ME3: variants seen among roughly 807,000 people sequenced by gnomAD.
ME3 encodes the protein NADP-dependent malic enzyme, mitochondrial.
In ME3, 48 loss-of-function variants were observed where a neutral mutation model predicts 68.9. The observed-to-expected ratio is 0.70, with a 90% CI of 0.55 to 0.89. The LOEUF (loss-of-function observed/expected upper bound fraction) is 0.89. ME3 is among the 40% of genes least tolerant of loss of function. The pLI, the probability that ME3 is intolerant of heterozygous loss-of-function variation, is 0.00. For missense variants in ME3, 675 were observed against 797.4 expected, an observed-to-expected ratio of 0.85 and a Z score of 1.85; for synonymous variants, 320 against 318.8, an observed-to-expected ratio of 1.00 and a Z score of -0.04.
At chr11:86,568,196 C>T (rs568415814) in intron 2 of ME3, among the ~76,000 whole-genome samples, 1 of 152,310 alleles carries the variant, frequency 6.6e-6, no homozygotes, top group South Asian at 2.1e-4. Context: ...CGAGGACATG[C>T]TGGTAGGGAC....
At chr11:86,576,897 C>A (rs1958147842) in intron 2 of ME3, among the ~76,000 whole-genome samples, 1 of 152,174 alleles carries the variant, frequency 6.6e-6, no homozygotes, top group Admixed American at 6.5e-5. Flanking sequence ...TTAGCTGGCT[C>A]TGATTCTATT....
At chr11:86,453,888 C>A (rs958920097) in intron 8 of ME3, among the ~76,000 whole-genome samples, 1 of 152,204 alleles carries the variant, frequency 6.6e-6, no homozygotes, top group East Asian at 1.9e-4. Flanking sequence ...CCTCCTCTTT[C>A]CTTTGTTCCC....
At chr11:86,553,409 G>C in intron 4 of ME3, among the ~76,000 whole-genome samples, 1 of 152,086 alleles carries the variant, frequency 6.6e-6, no homozygotes, top group Non-Finnish European at 1.5e-5. Flanking sequence ...TCTTGGCCTC[G>C]GGACTGTCCT....
chr11:86,457,981 G>A (rs1043978374), intron 8 of ME3, among the ~76,000 whole-genome samples: 2 of 152,142 alleles, frequency 1.3e-5, no homozygotes, highest in African/African-American at 4.8e-5. Flanking sequence ...GCTTTATCAG[G>A]TAAGGGAAAA....
At chr11:86,495,595 C>A (rs1033987447) in intron 6 of ME3, among the ~76,000 whole-genome samples, 2 of 152,214 alleles carry the variant, frequency 1.3e-5, no homozygotes, top group African/African-American at 4.8e-5. Context: ...CGCTCATCCA[C>A]GCCTGCAAAG....
chr11:86,523,592 A>C (rs955697697), intron 4 of ME3, among the ~76,000 whole-genome samples: 2 of 152,184 alleles, frequency 1.3e-5, no homozygotes, highest in African/African-American at 4.8e-5. Flanking sequence ...TTTGGCAGAA[A>C]ATAATTGTTC....
At chr11:86,451,887 A>G (rs1949651345) in intron 8 of ME3, among the ~76,000 whole-genome samples, 1 of 152,246 alleles carries the variant, frequency 6.6e-6, no homozygotes, top group African/African-American at 2.4e-5. Context: ...CACTGGTCTT[A>G]ACATGTACTC....
chr11:86,597,730 G>A (rs1479951089), intron 2 of ME3, among the ~76,000 whole-genome samples: 1 of 152,110 alleles, frequency 6.6e-6, no homozygotes, highest in African/African-American at 2.4e-5. Context: ...AGTGACCACG[G>A]CCCGTGACAG....
exon 6 of ME3, chr11:86,498,039 G>A (rs759415495): frequency 6.2e-7 from 1 of 1,613,704 alleles, no homozygotes; most frequent in South Asian, 1.1e-5. Flanking sequence ...CGTGTACAGG[G>A]CCAGCTTGCC....
intron 2 of ME3, among the ~76,000 whole-genome samples, chr11:86,661,155 G>A: frequency 6.6e-6 from 1 of 152,370 alleles, no homozygotes; most frequent in Non-Finnish European, 1.5e-5. Flanking sequence ...ACATGCACAT[G>A]ATGGCGATAC....
At chr11:86,449,308 T>G (rs1304650843) in intron 10 of ME3, among the ~76,000 whole-genome samples, 1 of 152,242 alleles carries the variant, frequency 6.6e-6, no homozygotes, top group South Asian at 2.1e-4. Context: ...CTCTCATTCA[T>G]GCTTTCATTC....
chr11:86,530,842 A>G (rs1184240598), intron 4 of ME3, among the ~76,000 whole-genome samples: 1 of 152,202 alleles, frequency 6.6e-6, no homozygotes, highest in Non-Finnish European at 1.5e-5. Context: ...TTATACAAAA[A>G]TTAATTGAAG....
At chr11:86,620,450 C>G (rs946933602) in intron 2 of ME3, among the ~76,000 whole-genome samples, 1 of 152,164 alleles carries the variant, frequency 6.6e-6, no homozygotes, top group Non-Finnish European at 1.5e-5. Flanking sequence ...TTAGGGTCTA[C>G]TCTTTTCTAA....
rs531203277 is a variant in ME3, at chr11:86,551,908, C to T, written c.467+4645G>A. On this transcript the variant is annotated intron_variant, in intron 4 of 14. Coordinates refer to ENST00000543262, the Ensembl canonical transcript of ME3. ...CCTCACCTTTCTAACTCATCACAGCCCGATCTCTGATTCCTCACACATACT... is the reference window on the plus strand; with the variant it reads ...CCTCACCTTTCTAACTCATCACAGCTCGATCTCTGATTCCTCACACATACT... Among the ~76,000 whole-genome samples, 8 of 152,322 alleles carry T rather than the reference C, an allele frequency of 5.3e-5. No individual in the cohort carries two copies. The East Asian group carries it at 1.3e-3, about 26-fold the overall frequency.
rs180963818 is a variant in ME3 at position 86,497,658 on chromosome 11, G to A, written c.705+305C>T. Among the ~76,000 whole-genome samples the A allele has an allele frequency of 1.1e-4, 17 of 152,274 alleles. No homozygotes were observed. The East Asian group carries it at 2.3e-3, about 21-fold the overall frequency. On this transcript the variant is annotated intron_variant, in intron 6 of 14. Coordinates refer to ENST00000543262, the Ensembl canonical transcript of ME3. The stretch of plus-strand genomic sequence containing the variant: ...CTCAAGGGAAATAGAAACTGCCTGG[G>A]GTAATGGGGGTCAGAGAGGAAGGAA...
At chr11:86,607,144 C>G (rs1484207634) in intron 2 of ME3, among the ~76,000 whole-genome samples, 1 of 152,170 alleles carries the variant, frequency 6.6e-6, no homozygotes, top group Non-Finnish European at 1.5e-5. Flanking sequence ...CTTCCTGAAA[C>G]AATTCCATCA....
chr11:86,534,874 T>C (rs1477087997), intron 4 of ME3, among the ~76,000 whole-genome samples: 1 of 152,124 alleles, frequency 6.6e-6, no homozygotes, highest in Non-Finnish European at 1.5e-5. Context: ...ATCTGTTACT[T>C]GTGTGGAGAA....
chr11:86,450,075 A>G (rs763762167), intron 9 of ME3, 73 bp from the exon 10 acceptor site: 77 of 1,268,626 alleles, frequency 6.1e-5, no homozygotes, highest in Non-Finnish European at 7.8e-5. Context: ...ATGTCTTGCC[A>G]TAAGGACCCC....
At chr11:86,604,933 A>G (rs1019654879) in intron 2 of ME3, among the ~76,000 whole-genome samples, 2 of 152,182 alleles carry the variant, frequency 1.3e-5, no homozygotes, top group Non-Finnish European at 2.9e-5. Flanking sequence ...TTCAATCACC[A>G]CCTCTATCTA....
Sources: gnomAD v4.1 joint callset for allele counts (sites outside exome capture counted in the v4.1 genomes callset) on GRCh38, gnomAD v4.1.1 for gene constraint, MANE v1.5 for transcripts, NCBI Gene and HGNC (gene_info 2026-07-23, HGNC 2026-07-21) for gene names.